Variants in ADK observed in about 807,000 individuals in gnomAD.
ADK encodes the protein N6,N6-dimethyladenosine kinase.
A neutral mutation model predicts 44.7 loss-of-function variants in ADK; 24 were observed. The observed-to-expected ratio is 0.54, with a 90% CI of 0.39 to 0.76. ADK has a LOEUF of 0.76. ADK is among the 30% of genes least tolerant of loss of function. The probability of loss-of-function intolerance (pLI) is 0.00; values close to 1 mark genes in which losing one functional copy is unlikely to be tolerated. For synonymous variants in ADK, 128 were observed against 142.6 expected, an observed-to-expected ratio of 0.90 and a Z score of 0.73; for missense variants, 321 against 425.1, an observed-to-expected ratio of 0.76 and a Z score of 2.15.
chr10:74,259,258 C>G (rs1036194198), intron 3 of ADK, among the ~76,000 whole-genome samples: 2 of 150,912 alleles, frequency 1.3e-5, no homozygotes, highest in Non-Finnish European at 3.0e-5. Flanking sequence ...AGAATATTTA[C>G]TAGTAGTTTG....
intron 3 of ADK, among the ~76,000 whole-genome samples, chr10:74,250,089 G>C (rs1845589838): frequency 6.6e-6 from 1 of 152,222 alleles, no homozygotes; most frequent in Middle Eastern, 3.4e-3. Context: ...CTTACTCTAT[G>C]TACTAGAAAT....
chr10:74,156,779 T>G (rs2132029039), intron 1 of ADK, among the ~76,000 whole-genome samples: 1 of 152,294 alleles, frequency 6.6e-6, no homozygotes, highest in Middle Eastern at 3.4e-3. Context: ...GCCCCATACC[T>G]CTTTTCTCAC....
intron 7 of ADK, among the ~76,000 whole-genome samples, chr10:74,573,864 G>A (rs1055087932): frequency 4.6e-5 from 7 of 152,190 alleles, no homozygotes; most frequent in South Asian, 4.1e-4. Flanking sequence ...TTGGAAAAGC[G>A]CAGTATTGAG....
At chr10:74,331,148 A>C (rs1189175210) in intron 4 of ADK, among the ~76,000 whole-genome samples, 2 of 152,224 alleles carry the variant, frequency 1.3e-5, no homozygotes, top group Non-Finnish European at 2.9e-5. Context: ...TGTAACCAGT[A>C]TACTGGTATA....
intron 6 of ADK, among the ~76,000 whole-genome samples, chr10:74,411,715 T>G (rs761173403): frequency 2.5e-4 from 38 of 152,172 alleles, no homozygotes; most frequent in Non-Finnish European, 3.2e-4. Context: ...AGCAATGAAG[T>G]TTGCCACATC....
intron 4 of ADK, among the ~76,000 whole-genome samples, chr10:74,370,534 T>C (rs1185901768): frequency 1.3e-5 from 2 of 152,208 alleles, no homozygotes; most frequent in Non-Finnish European, 2.9e-5. Flanking sequence ...TACATTTGAC[T>C]ACTAACTTAA....
At chr10:74,537,314 G>T (rs1232378226) in intron 7 of ADK, among the ~76,000 whole-genome samples, 1 of 152,136 alleles carries the variant, frequency 6.6e-6, no homozygotes. Context: ...GGTTATCCTT[G>T]TTAAAGTAGT....
chr10:74,422,668 A>G (rs1204792885), intron 6 of ADK, among the ~76,000 whole-genome samples: 12 of 152,236 alleles, frequency 7.9e-5, no homozygotes, highest in African/African-American at 2.9e-4. Flanking sequence ...TGGGCTGACT[A>G]TATTGACAAG....
chr10:74,611,941 T>C (rs1281915961), intron 9 of ADK, among the ~76,000 whole-genome samples: 1 of 152,184 alleles, frequency 6.6e-6, no homozygotes, highest in Non-Finnish European at 1.5e-5. Context: ...AACATAAGAA[T>C]GCAGGTATCT....
chr10:74,694,146 C>CT (rs1266786094), intron 10 of ADK, among the ~76,000 whole-genome samples: 472 of 36,228 alleles, frequency 0.013, 1 homozygote, highest in Non-Finnish European at 0.019. Flanking sequence ...TTTTCAAACA[C>CT]ATTTTTTTTT....
intron 3 of ADK, among the ~76,000 whole-genome samples, chr10:74,284,266 A>AT (rs71021600): frequency 1.0e-3 from 135 of 129,298 alleles, no homozygotes; most frequent in East Asian, 4.6e-3. Context: ...GGCAAATTCT[A>AT]TTTTTTTTTT....
chr10:74,617,743 G>GT (rs1195106985), intron 9 of ADK, among the ~76,000 whole-genome samples: 1 of 151,702 alleles, frequency 6.6e-6, no homozygotes. Flanking sequence ...TTACAGGCAC[G>GT]TACCACCACG....
chr10:74,562,849 C>T (rs181899387), intron 7 of ADK, among the ~76,000 whole-genome samples: 2 of 152,232 alleles, frequency 1.3e-5, no homozygotes, highest in Admixed American at 6.5e-5. Context: ...CCTTGTGAAC[C>T]AGGTTGAGGG....
chr10:74,576,559 C>A (rs527507201), intron 7 of ADK, among the ~76,000 whole-genome samples: 3 of 151,928 alleles, frequency 2.0e-5, no homozygotes, highest in African/African-American at 7.3e-5. Flanking sequence ...GAGATCAAGT[C>A]CTATTCAAAA....
At chr10:74,243,318 T>C (rs1026722379) in intron 3 of ADK, among the ~76,000 whole-genome samples, 3 of 152,212 alleles carry the variant, frequency 2.0e-5, no homozygotes, top group African/African-American at 7.2e-5. Context: ...GGTTGAGCGC[T>C]GTGGCGTGAG....
chr10:74,697,878 G>A (rs1433198637), intron 10 of ADK, among the ~76,000 whole-genome samples: 2 of 152,170 alleles, frequency 1.3e-5, no homozygotes, highest in Admixed American at 1.3e-4. Context: ...AACTAGTGTA[G>A]CACCTCCTCT....
intron 4 of ADK, among the ~76,000 whole-genome samples, chr10:74,381,217 C>G (rs1842968181): frequency 6.6e-6 from 1 of 152,012 alleles, no homozygotes; most frequent in Admixed American, 6.6e-5. Flanking sequence ...AAAATCATAG[C>G]CAAAAGAGTG....
chr10:74,637,610 G>A (rs1243573791), intron 9 of ADK, among the ~76,000 whole-genome samples: 3 of 152,184 alleles, frequency 2.0e-5, no homozygotes, highest in Non-Finnish European at 4.4e-5. Flanking sequence ...AATACTTGAG[G>A]CTGCTTTTGG....
intron 9 of ADK, 72 bp downstream of exon 9, chr10:74,600,565 C>G (rs1274421677): frequency 6.0e-6 from 5 of 839,796 alleles, no homozygotes; most frequent in Non-Finnish European, 9.5e-6. Context: ...ATTCTGTATT[C>G]TTTCTATTAT....
Sources: allele counts gnomAD v4.1 joint callset (sites outside exome capture counted in the v4.1 genomes callset), GRCh38; gene constraint gnomAD v4.1.1; transcripts MANE v1.5; gene names NCBI Gene and HGNC (gene_info 2026-07-23, HGNC 2026-07-21).